The following RBMS3 variants were observed in gnomAD, a reference collection of about 807,000 sequenced individuals.
RBMS3 encodes RNA-binding motif, single-stranded-interacting protein 3.
In RBMS3, 27 loss-of-function variants were observed where a neutral mutation model predicts 66.8. The observed-to-expected ratio is 0.40, with a 90% CI of 0.30 to 0.56. The LOEUF (loss-of-function observed/expected upper bound fraction) is 0.56. RBMS3 is among the 20% of genes least tolerant of loss of function. The pLI, the probability that RBMS3 is intolerant of heterozygous loss-of-function variation, is 0.40. For synonymous variants in RBMS3, 188 were observed against 183.0 expected (o/e 1.03, Z -0.22); for missense variants, 513 against 549.5 (o/e 0.93, Z 0.66).
intron 4 of RBMS3, among the ~76,000 whole-genome samples, chr3:29,708,106 C>A (rs2052992906): frequency 3.3e-5 from 5 of 152,278 alleles, no homozygotes; most frequent in South Asian, 2.1e-4. Context: ...TGCTGATTGA[C>A]AGCGATATAT....
chr3:29,307,640 C>G (rs2034099347), intron 1 of RBMS3, among the ~76,000 whole-genome samples: 1 of 151,824 alleles, frequency 6.6e-6, no homozygotes, highest in Non-Finnish European at 1.5e-5. Context: ...TTTAGAGTGA[C>G]AGACATGTAG....
chr3:29,390,104 C>A (rs4401328), intron 1 of RBMS3, among the ~76,000 whole-genome samples: 55,532 of 151,892 alleles, frequency 0.37, 10,500 homozygotes, highest in East Asian at 0.64. Flanking sequence ...CTGTGAAAAA[C>A]ATCAAGTTTT....
At chr3:29,404,278 T>C (rs1250741632) in intron 1 of RBMS3, among the ~76,000 whole-genome samples, 1 of 152,120 alleles carries the variant, frequency 6.6e-6, no homozygotes, top group African/African-American at 2.4e-5. Context: ...ATCACTGATT[T>C]AGGGTTCTGG....
At chr3:29,871,261 T>C (rs577170586) in intron 7 of RBMS3, among the ~76,000 whole-genome samples, 2 of 152,274 alleles carry the variant, frequency 1.3e-5, no homozygotes, top group Admixed American at 1.3e-4. Context: ...ATGCATTTTC[T>C]CCTGTTAATC....
At chr3:29,547,644 A>T (rs1258723062) in intron 3 of RBMS3, among the ~76,000 whole-genome samples, 1 of 152,018 alleles carries the variant, frequency 6.6e-6, no homozygotes, top group Admixed American at 6.6e-5. Context: ...ATGCACAAAT[A>T]GCTAAACAGA....
chr3:29,750,767 T>C (rs2055138983), intron 5 of RBMS3, among the ~76,000 whole-genome samples: 1 of 152,162 alleles, frequency 6.6e-6, no homozygotes, highest in African/African-American at 2.4e-5. Context: ...ATAAACAGCA[T>C]TTCTTATTTG....
intron 5 of RBMS3, among the ~76,000 whole-genome samples, chr3:29,740,936 G>A (rs1474007309): frequency 6.6e-6 from 1 of 151,796 alleles, no homozygotes; most frequent in African/African-American, 2.4e-5. Flanking sequence ...AGCTACTCGG[G>A]AGGCTGAGGC....
At chr3:29,336,315 T>C (rs1575568261) in intron 1 of RBMS3, among the ~76,000 whole-genome samples, 1 of 152,282 alleles carries the variant, frequency 6.6e-6, no homozygotes. Flanking sequence ...AACTATACCA[T>C]GGCAGTTGTG....
At chr3:29,478,068 G>T (rs141574632) in intron 2 of RBMS3, among the ~76,000 whole-genome samples, 2 of 152,050 alleles carry the variant, frequency 1.3e-5, no homozygotes, top group African/African-American at 4.8e-5. Flanking sequence ...CACACCCAGC[G>T]CAAAGACAAT....
intron 1 of RBMS3, among the ~76,000 whole-genome samples, chr3:29,417,703 C>G (rs2040534023): frequency 6.6e-6 from 1 of 151,982 alleles, no homozygotes; most frequent in Admixed American, 6.6e-5. Context: ...GAATATACAC[C>G]AAAGTCGGGA....
intron 3 of RBMS3, among the ~76,000 whole-genome samples, chr3:29,535,628 G>C (rs1215831568): frequency 7.2e-6 from 1 of 138,758 alleles, no homozygotes; most frequent in East Asian, 2.4e-4. Flanking sequence ...AGCACTAGTT[G>C]TAAAGAATTT....
rs115128181 is a variant in RBMS3, at chr3:29,782,424, G to A, written c.637+19435G>A. Among the ~76,000 whole-genome samples, 873 of 152,302 alleles carry A rather than the reference G, an allele frequency of 5.7e-3. 11 individuals are homozygous for A. Among genetic ancestry groups the A allele is most frequent in the African/African-American group, 0.02 (825 of 41,562 alleles). ...CTCCGCTGGGTGGCTAGATCCAGGA[G>A]AGCAATAACAATCACTACATTTGGC... On this transcript the variant is annotated intron_variant, in intron 6 of 14. Transcript: ENST00000383767.
chr3:29,822,838 T>C (rs927766164), intron 6 of RBMS3, among the ~76,000 whole-genome samples: 2 of 152,148 alleles, frequency 1.3e-5, no homozygotes, highest in African/African-American at 4.8e-5. Context: ...TGAGGTATCT[T>C]TTCTGGTGGA....
chr3:29,341,476 G>C (rs2036279353), intron 1 of RBMS3, among the ~76,000 whole-genome samples: 1 of 151,922 alleles, frequency 6.6e-6, no homozygotes, highest in Non-Finnish European at 1.5e-5. Flanking sequence ...AATCTTATAA[G>C]TATTTTTATT....
chr3:29,865,962 G>T (rs560373381), intron 6 of RBMS3, among the ~76,000 whole-genome samples: 1 of 151,034 alleles, frequency 6.6e-6, no homozygotes, highest in East Asian at 2.0e-4. Flanking sequence ...TTCCTTCACT[G>T]GTAAAATAGG....
At chr3:29,701,607 C>T (rs1327270179) in intron 4 of RBMS3, among the ~76,000 whole-genome samples, 2 of 151,378 alleles carry the variant, frequency 1.3e-5, no homozygotes, top group Non-Finnish European at 2.9e-5. Flanking sequence ...TGGGGCTGCG[C>T]GCGTCGTTCA....
chr3:29,825,458 G>A (rs907741602), intron 6 of RBMS3, among the ~76,000 whole-genome samples: 1 of 152,128 alleles, frequency 6.6e-6, no homozygotes, highest in African/African-American at 2.4e-5. Context: ...TTGTGGGAGG[G>A]ACCTGGTGAG....
chr3:29,556,363 G>A (rs1296100092), intron 3 of RBMS3: 1 of 152,230 alleles, frequency 6.6e-6, no homozygotes, highest in East Asian at 1.9e-4. Flanking sequence ...CAGCACTTTG[G>A]GAGGCCGAGG....
chr3:29,450,115 G>A (rs769877224), intron 2 of RBMS3, among the ~76,000 whole-genome samples: 11 of 152,176 alleles, frequency 7.2e-5, no homozygotes, highest in Non-Finnish European at 1.2e-4. Flanking sequence ...TGTCTAACAT[G>A]GCCAAGGGGA....
Sources: gnomAD v4.1 joint callset for allele counts (sites outside exome capture counted in the v4.1 genomes callset) on GRCh38, gnomAD v4.1.1 for gene constraint, MANE v1.5 for transcripts, NCBI Gene and HGNC (gene_info 2026-07-23, HGNC 2026-07-21) for gene names.